TNS3: variants seen among roughly 807,000 people sequenced by gnomAD.
TNS3 encodes tensin 3.
TNS3 carries 45 observed loss-of-function variants against 140.9 expected under a neutral mutation model. The observed-to-expected ratio is 0.32, with a 90% CI of 0.25 to 0.41. TNS3 has a LOEUF of 0.41. Among genes scored for constraint, TNS3 ranks in the 10% least tolerant of loss-of-function variants. The pLI is 1.00. For synonymous variants in TNS3, 815 were observed against 788.4 expected (o/e 1.03, Z -0.56); for missense variants, 1,716 against 1,906.7 (o/e 0.90, Z 1.86).
At position 47,368,512 on chromosome 7, in the gene TNS3, T is replaced by G. The variant is rs1584496418; in HGVS notation, c.2134A>C (p.Thr712Pro). The G allele has an allele frequency of 6.3e-7, 1 of 1,591,996 alleles. No homozygotes were observed. The change falls in exon 17 of 31, where the codon ACC becomes CCC. Residue 712 changes from threonine (T) to proline (P), a missense_variant. Thr to Pro is a conservative substitution (Grantham distance 38). Around this residue, in one of 3 missense-constraint regions of TNS3, gnomAD observed 1,163 missense variants for 1,182.1 expected, o/e 0.98. Transcript: ENST00000311160. ...LNRLILELDP[T>P]FEPIPTHMNA... The stretch of plus-strand genomic sequence containing the variant: ...ATGTGGGTAGGGATGGGCTCGAAGG[T>G]GGGATCCAGCTCCAGGATCAGCCTG...
intron 4 of TNS3, among the ~76,000 whole-genome samples, chr7:47,442,751 C>G (rs1584670801): frequency 1.3e-5 from 2 of 152,246 alleles, no homozygotes; most frequent in East Asian, 3.9e-4. Context: ...CTCTTTCTGC[C>G]CCAAGCCAGG....
chr7:47,282,936 C>T (rs990254163), intron 28 of TNS3, among the ~76,000 whole-genome samples: 5 of 151,988 alleles, frequency 3.3e-5, no homozygotes, highest in East Asian at 3.9e-4. Context: ...GGGCCCTGCT[C>T]GGGGAGCATC....
At chr7:47,350,633 C>CA (rs144666234) in intron 17 of TNS3, among the ~76,000 whole-genome samples, 2,590 of 152,312 alleles carry the variant, frequency 0.017, 86 homozygotes, top group African/African-American at 0.059. Flanking sequence ...ACTCAGAGGC[C>CA]AGCCCAGGGG....
At chr7:47,466,912 G>A (rs1333111360) in intron 4 of TNS3, among the ~76,000 whole-genome samples, 3 of 152,118 alleles carry the variant, frequency 2.0e-5, no homozygotes, top group African/African-American at 4.8e-5. Context: ...TTAAATGCTC[G>A]ATTGCTTCTC....
Position 47,529,134 on chromosome 7 carries a change from GT to G in TNS3, c.-252del, listed in dbSNP as rs1478827470. The G allele has an allele frequency of 7.8e-7, 1 of 1,279,130 alleles. No individual in the cohort carries two copies. Among genetic ancestry groups the G allele is most frequent in the South Asian group, 1.3e-5 (1 of 77,998 alleles). 79.2% of individuals were successfully genotyped at this position (1,279,130 alleles called of 1,614,324 possible). A position where few individuals can be genotyped will look rare whatever the true frequency, so the allele number is the denominator to read the frequency against. On this transcript the variant is annotated 5_prime_UTR_variant, in exon 2 of 31. Coordinates refer to ENST00000311160, the MANE Select transcript of TNS3 (RefSeq NM_022748.12). Reference sequence around the variant, plus strand: ...GTTCTTAAAAGCGTGCAGACTCGAGGTTAATTCTTCCGGCTGAAAAAGTAAA... The same window carrying G: ...GTTCTTAAAAGCGTGCAGACTCGAGGTAATTCTTCCGGCTGAAAAAGTAAA...
chr7:47,357,573 C>T (rs1032663819), intron 17 of TNS3, among the ~76,000 whole-genome samples: 1 of 152,208 alleles, frequency 6.6e-6, no homozygotes, highest in Non-Finnish European at 1.5e-5. Context: ...AGCCGCACAA[C>T]TTGCAGTTTT....
intron 3 of TNS3, among the ~76,000 whole-genome samples, chr7:47,504,186 A>G (rs1385359687): frequency 2.0e-5 from 3 of 152,208 alleles, no homozygotes; most frequent in African/African-American, 7.2e-5. Context: ...TGGCTCAAGA[A>G]GAGAGTGATA....
At chr7:47,552,897 A>G (rs1800100710) in intron 1 of TNS3, among the ~76,000 whole-genome samples, 1 of 152,258 alleles carries the variant, frequency 6.6e-6, no homozygotes, top group Admixed American at 6.5e-5. Flanking sequence ...ATGCAAATGA[A>G]AAGTTCTTGA....
At chr7:47,582,028 T>A (rs1239546812) in intron 1 of TNS3, 23 bp downstream of exon 1, 2 of 152,008 alleles carry the variant, frequency 1.3e-5, no homozygotes, top group Admixed American at 1.3e-4. Flanking sequence ...TGGCCGCGTT[T>A]CCTCCTTCCC....
At chr7:47,358,505 A>C (rs899589218) in intron 17 of TNS3, among the ~76,000 whole-genome samples, 1 of 152,148 alleles carries the variant, frequency 6.6e-6, no homozygotes, top group African/African-American at 2.4e-5. Context: ...AAAGCTGTCC[A>C]CCTTCAGGGC....
intron 16 of TNS3, among the ~76,000 whole-genome samples, chr7:47,385,486 T>C (rs1460856281): frequency 1.3e-5 from 2 of 152,132 alleles, no homozygotes; most frequent in Non-Finnish European, 2.9e-5. Context: ...GCACTGCCGA[T>C]GCTCAGAGAG....
At chr7:47,380,044 GC>G (rs994862203) in intron 16 of TNS3, among the ~76,000 whole-genome samples, 1 of 152,260 alleles carries the variant, frequency 6.6e-6, no homozygotes. Context: ...CCACTGCAGA[GC>G]AGGAGCGACT....
chr7:47,280,945 C>T lies in TNS3; in HGVS notation c.4098-591G>A, dbSNP rs71545984. The stretch of plus-strand genomic sequence containing the variant: ...AAAAAGCCCTAACAAACTGGAAAAG[C>T]TGGTAGGGTGTGAGATGGACACAAG... On this transcript the variant is annotated intron_variant, in intron 28 of 30. Transcript: ENST00000311160. Among the ~76,000 whole-genome samples, 1,214 of 151,698 alleles carry T rather than the reference C, an allele frequency of 8.0e-3. 12 individuals are homozygous for T. The highest frequency in any genetic ancestry group is 0.019 in the South Asian group (91 of 4,798).
At chr7:47,380,127 G>A (rs989221937) in intron 16 of TNS3, among the ~76,000 whole-genome samples, 2 of 152,230 alleles carry the variant, frequency 1.3e-5, no homozygotes, top group African/African-American at 2.4e-5. Context: ...CGATAAAGGA[G>A]CACTGTGCTC....
intron 16 of TNS3, among the ~76,000 whole-genome samples, chr7:47,370,946 GACA>G (rs996559828): frequency 5.9e-5 from 9 of 152,238 alleles, no homozygotes; most frequent in African/African-American, 2.2e-4. Context: ...AAAACACTGG[GACA>G]ACGTGTTGGG....
chr7:47,446,531 C>T (rs1795739391), intron 4 of TNS3, among the ~76,000 whole-genome samples: 1 of 152,054 alleles, frequency 6.6e-6, no homozygotes, highest in South Asian at 2.1e-4. Context: ...CTCTGCCCAG[C>T]CCATGCCTCC....
chr7:47,491,346 C>T (rs908187764), intron 3 of TNS3, among the ~76,000 whole-genome samples: 1 of 152,228 alleles, frequency 6.6e-6, no homozygotes, highest in African/African-American at 2.4e-5. Context: ...GAAATTAGGG[C>T]AAGCCCTCTG....
chr7:47,518,527 T>C (rs975872964), intron 2 of TNS3, among the ~76,000 whole-genome samples: 3 of 152,136 alleles, frequency 2.0e-5, no homozygotes, highest in Non-Finnish European at 4.4e-5. Context: ...GATTTTCTTT[T>C]CTCGAAAAAT....
chr7:47,497,458 G>A (rs765991638), intron 3 of TNS3, among the ~76,000 whole-genome samples: 2 of 152,186 alleles, frequency 1.3e-5, no homozygotes, highest in Non-Finnish European at 2.9e-5. Context: ...AGAAACTGAA[G>A]CCCAAGGTCA....
Sources: allele counts gnomAD v4.1 joint callset (sites outside exome capture counted in the v4.1 genomes callset), GRCh38; gene constraint gnomAD v4.1.1; regional missense constraint gnomAD v4.1.1; transcripts MANE v1.5; gene names NCBI Gene and HGNC (gene_info 2026-07-23, HGNC 2026-07-21).